ELAC2: variants seen among roughly 807,000 people sequenced by gnomAD.
ELAC2 encodes the protein zinc phosphodiesterase ELAC protein 2.
A neutral mutation model predicts 105.2 loss-of-function variants in ELAC2; 92 were observed. The observed-to-expected ratio is 0.87, with a 90% CI of 0.74 to 1.04. The LOEUF (loss-of-function observed/expected upper bound fraction) is 1.04, where lower values mean the gene tolerates loss of function less well. Ranked by LOEUF, ELAC2 falls within the 50% of genes least tolerant of loss-of-function variation. ELAC2 has a pLI of 0.00. For missense variants in ELAC2, 1,099 were observed against 1,071.7 expected (o/e 1.03, Z -0.36); for synonymous variants, 468 against 409.1 (o/e 1.14, Z -1.74).
intron 11 of ELAC2, 134 bp downstream of exon 11, chr17:13,004,855 A>T: frequency 1.3e-6 from 1 of 782,168 alleles, no homozygotes. Flanking sequence ...GACTTAAGGC[A>T]GGAGTGCCGG....
rs1214555758 is a variant in ELAC2, at chr17:12,992,870, T to C, written c.2429A>G (p.Gln810Arg). 1.9e-6 allele frequency: 3 copies of C among 1,613,452 alleles called. No individual in the cohort carries two copies. Among genetic ancestry groups the C allele is most frequent in the South Asian group, 1.1e-5 (1 of 91,084 alleles). The part of the protein sequence containing the change: ...AGGLEDGEPQ[Q>R]KRAHTEEPQA... ...TGGCTCCTCTGTGTGGGCCCGCTTC[T>C]GCTGAGGCTCCCCATCCTCCAGGCC... The change falls in exon 24 of 24, where the codon CAG becomes CGG. Residue 810 changes from glutamine to arginine, a missense_variant. Coordinates refer to ENST00000338034, the MANE Select transcript of ELAC2 (RefSeq NM_018127.7).
At position 13,015,819 on chromosome 17, in the gene ELAC2, A is replaced by G. The variant is rs1270461998; in HGVS notation, c.381T>C (p.Thr127=). 1 of 1,614,028 alleles carries G rather than the reference A, an allele frequency of 6.2e-7. No homozygotes were observed. The highest frequency in any genetic ancestry group is 1.7e-5 in the Admixed American group (1 of 60,026). The change falls in exon 4 of 24, where the codon ACT becomes ACC. Residue 127 remains threonine (T), a synonymous_variant. Coordinates refer to ENST00000338034, the MANE Select transcript of ELAC2 (RefSeq NM_018127.7). ...NVGGLSGMIL[T]LKETGLPKCV... ...ACTTTGGAAGCCCGGTTTCCTTTAA[A>G]GTAAGAATCATTCCTAAAAAGGATG... is the stretch of plus-strand genomic sequence containing the variant.
At chr17:13,002,035 C>T (rs561895319) in intron 14 of ELAC2, among the ~76,000 whole-genome samples, 4 of 152,314 alleles carry the variant, frequency 2.6e-5, no homozygotes, top group Admixed American at 6.5e-5. Flanking sequence ...GGCCCCAATC[C>T]GCCCACCTCA....
chr17:13,015,658 G>A (rs771102690), intron 4 of ELAC2, 110 bp downstream of exon 4: 66 of 877,204 alleles, frequency 7.5e-5, no homozygotes, highest in Non-Finnish European at 1.2e-4. Flanking sequence ...GCGTTTCAAC[G>A]ACCAGGTATC....
chr17:13,003,063 C>T (rs1431252055), intron 12 of ELAC2, among the ~76,000 whole-genome samples: 1 of 152,226 alleles, frequency 6.6e-6, no homozygotes, highest in Non-Finnish European at 1.5e-5. Context: ...CCTCCCAGGG[C>T]TGCTGGCGAC....
intron 8 of ELAC2, among the ~76,000 whole-genome samples, chr17:13,008,656 C>T (rs909003072): frequency 6.6e-6 from 1 of 152,262 alleles, no homozygotes; most frequent in South Asian, 2.1e-4. Context: ...CAGCCAATAA[C>T]GCCCCAACAG....
At chr17:13,004,344 G>GT (rs2040990305) in intron 11 of ELAC2, among the ~76,000 whole-genome samples, 1 of 152,106 alleles carries the variant, frequency 6.6e-6, no homozygotes, top group Non-Finnish European at 1.5e-5. Flanking sequence ...ATTTGTTGTG[G>GT]TAAGTAGAAA....
Position 12,998,549 on chromosome 17 carries a change from C to A in ELAC2, c.1424-41G>T. The A allele has an allele frequency of 1.9e-6, 3 of 1,561,314 alleles. No individual in the cohort carries two copies. The South Asian group carries it at 3.3e-5, about 17-fold the overall frequency. On this transcript the variant is annotated intron_variant, in intron 15 of 23. Coordinates refer to ENST00000338034, the MANE Select transcript of ELAC2 (RefSeq NM_018127.7). Reference sequence around the variant, plus strand: ...TGTGAAACAATCCATTCCTTTGGGTCAAAAGTGAGCCAGCATGCAGCCATG... The same window carrying A: ...TGTGAAACAATCCATTCCTTTGGGTAAAAAGTGAGCCAGCATGCAGCCATG...
intron 5 of ELAC2, among the ~76,000 whole-genome samples, chr17:13,014,156 G>T (rs1056514747): frequency 9.2e-5 from 14 of 152,076 alleles, no homozygotes; most frequent in African/African-American, 3.4e-4. Context: ...AGCTGAGCGT[G>T]ATGGCATGCG....
intron 4 of ELAC2, 93 bp downstream of exon 4, chr17:13,015,675 G>T: frequency 1.9e-6 from 2 of 1,041,882 alleles, no homozygotes; most frequent in Non-Finnish European, 3.0e-6. Flanking sequence ...TATCTCTGGA[G>T]GGCAGAAGAC....
chr17:12,992,864 C>T lies in ELAC2; in HGVS notation c.2435G>A (p.Arg812Gln), dbSNP rs560083267. 5.0e-6 allele frequency: 8 copies of T among 1,613,438 alleles called. No homozygotes were observed. The East Asian group carries it at 1.3e-4, about 27-fold the overall frequency. Residue 812 changes from arginine to glutamine, a missense_variant, in exon 24 of 24, where the codon CGG (arginine) becomes CAG (glutamine). Transcript: ENST00000338034. Reference protein sequence around the residue: ...GLEDGEPQQKRAHTEEPQAKK... With the variant: ...GLEDGEPQQKQAHTEEPQAKK... ...GGCCTGTGGCTCCTCTGTGTGGGCC[C>T]GCTTCTGCTGAGGCTCCCCATCCTC...
Position 13,017,767 on chromosome 17 carries a change from G to A in ELAC2, c.181C>T (p.Gln61Ter). The change falls in exon 1 of 24, where the codon CAG becomes TAG. Residue 61 changes from glutamine (Q) to a stop codon, truncating the protein, a stop_gained. Coordinates refer to ENST00000338034, the MANE Select transcript of ELAC2 (RefSeq NM_018127.7). LOFTEE classifies it high-confidence loss of function. The stretch of plus-strand genomic sequence containing the variant: ...TCCCGGCTACCCGCTGCCACCACCT[G>A]CAGGTACACGGTGTTTGGGCCGCCG... ...CSGGPNTVYLQVVAAGSRDSG... is the reference protein window; with the variant it reads ...CSGGPNTVYL 6.2e-7 allele frequency: 1 copy of A among 1,611,556 alleles called. No individual in the cohort carries two copies. The highest frequency in any genetic ancestry group is 8.5e-7 in the Non-Finnish European group (1 of 1,179,376).
Position 13,017,202 on chromosome 17 carries a change from G to C in ELAC2, c.246-81C>G, listed in dbSNP as rs1391039153. ...GACACCAATTAGATGTTTTATTGTA[G>C]ACTCTGGAAAAAAAAAAAAGAAAAA... is the stretch of plus-strand genomic sequence containing the variant. On this transcript the variant is annotated intron_variant, in intron 1 of 23. Coordinates refer to ENST00000338034, the MANE Select transcript of ELAC2 (RefSeq NM_018127.7). 7.3e-6 allele frequency: 9 copies of C among 1,229,180 alleles called. No individual in the cohort carries two copies. In the South Asian group the frequency reaches 1.1e-4, roughly 16 times the overall value. The allele number at this position is 1,229,180 out of a possible 1,614,324, so 76.1% of individuals were successfully genotyped here. A position where few individuals can be genotyped will look rare whatever the true frequency, so the allele number is the denominator to read the frequency against.
At chr17:13,016,037 GCTGAGCTGT>G (rs1444480614) in intron 3 of ELAC2, among the ~76,000 whole-genome samples, 2 of 152,196 alleles carry the variant, frequency 1.3e-5, no homozygotes, top group African/African-American at 4.8e-5. Flanking sequence ...TCTAGAATGG[GCTGAGCTGT>G]CACTAGGGTG....
At position 13,005,907 on chromosome 17, in the gene ELAC2, C is replaced by T. The variant is rs2143627478; in HGVS notation, c.797+14G>A. Reference sequence around the variant, plus strand: ...ACCCAGTGAGTCCCCAGAAGCCTTACCCCCCACACTCACACTGGGAGGCCC... The same window carrying T: ...ACCCAGTGAGTCCCCAGAAGCCTTATCCCCCACACTCACACTGGGAGGCCC... On this transcript the variant is annotated intron_variant, in intron 9 of 23. Transcript: ENST00000338034. The T allele has an allele frequency of 6.2e-7, 1 of 1,614,038 alleles. No homozygotes were observed. The highest frequency in any genetic ancestry group is 8.5e-7 in the Non-Finnish European group (1 of 1,179,932).
intron 3 of ELAC2, 73 bp downstream of exon 3, chr17:13,016,789 G>A: frequency 1.4e-6 from 2 of 1,457,788 alleles, no homozygotes; most frequent in South Asian, 2.3e-5. Context: ...CCCCAGACTT[G>A]GAAAAATGGT....
At position 13,017,973 on chromosome 17, in the gene ELAC2, AAGCCGCCGGTCACCT is replaced by A; in HGVS notation, c.-41_-27del. The A allele has an allele frequency of 6.5e-7, 1 of 1,534,682 alleles. No homozygotes were observed. ...GCGCCCGTCTCCACCAAAACTGAGA[AAGCCGCCGGTCACCT>A]ACGCCCGCGTTTCCCGTGCACCACC... is the stretch of plus-strand genomic sequence containing the variant. On this transcript the variant is annotated 5_prime_UTR_variant, in exon 1 of 24. Coordinates refer to ENST00000338034, the MANE Select transcript of ELAC2 (RefSeq NM_018127.7).
chr17:12,993,455 G>A (rs894045247), intron 23 of ELAC2, among the ~76,000 whole-genome samples: 3 of 152,218 alleles, frequency 2.0e-5, no homozygotes, highest in African/African-American at 7.2e-5. Context: ...AGGCCTAAAA[G>A]GATTCTCAGA....
intron 10 of ELAC2, 152 bp from the exon 11 acceptor site, chr17:13,005,253 C>T (rs1269649645): frequency 1.4e-6 from 1 of 708,898 alleles, no homozygotes; most frequent in African/African-American, 1.7e-5. Flanking sequence ...CCATCAACAC[C>T]CTTCTGGTCT....
Sources: allele counts gnomAD v4.1 joint callset (sites outside exome capture counted in the v4.1 genomes callset), GRCh38; gene constraint gnomAD v4.1.1; transcripts MANE v1.5; gene names NCBI Gene and HGNC (gene_info 2026-07-23, HGNC 2026-07-21).